The following SENP7 variants were observed in gnomAD, a reference collection of about 807,000 sequenced individuals.
SENP7 encodes the protein SUMO specific peptidase 7, also known as sentrin-specific protease 7.
Under a neutral mutation model 141.2 loss-of-function variants are expected in SENP7, and 64 were observed. The ratio of observed to expected loss-of-function variants is 0.45; its 90% CI spans 0.37 to 0.56. The LOEUF is 0.56. Ranked by LOEUF, SENP7 falls within the 20% of genes least tolerant of loss-of-function variation. The probability of loss-of-function intolerance (pLI) is 0.00; values close to 1 mark genes in which losing one functional copy is unlikely to be tolerated. For synonymous variants in SENP7, 382 were observed against 426.4 expected, an observed-to-expected ratio of 0.90 and a Z score of 1.28; for missense variants, 1,025 against 1,212.2, an observed-to-expected ratio of 0.85 and a Z score of 2.29.
At chr3:101,401,610 G>A (rs1262863197) in intron 5 of SENP7, among the ~76,000 whole-genome samples, 1 of 151,972 alleles carries the variant, frequency 6.6e-6, no homozygotes, top group Non-Finnish European at 1.5e-5. Context: ...CAGTCTTACT[G>A]ATGATATGGA....
chr3:101,401,422 G>A (rs1243228906), intron 5 of SENP7, among the ~76,000 whole-genome samples: 8 of 151,868 alleles, frequency 5.3e-5, no homozygotes, highest in African/African-American at 1.5e-4. Context: ...CCAGCTACTC[G>A]GGAGGCTGAG....
chr3:101,415,671 T>C (rs1156390640), intron 5 of SENP7, among the ~76,000 whole-genome samples: 1 of 152,164 alleles, frequency 6.6e-6, no homozygotes, highest in Admixed American at 6.5e-5. Context: ...GAAGAAAAAG[T>C]AAGCAACTTG....
At chr3:101,485,847 A>G (rs1016749310) in intron 3 of SENP7, among the ~76,000 whole-genome samples, 4 of 152,210 alleles carry the variant, frequency 2.6e-5, no homozygotes, top group Non-Finnish European at 5.9e-5. Context: ...GTCCAATGCA[A>G]GGAAATCCAA....
rs1199362157 is a variant in SENP7, at chr3:101,414,753, T to C, written c.482+2840A>G. ...AAGAAATTAAGGATGGCCACAAGTG[T>C]AATGCATATGTCACTTGCCTCTAGA... On this transcript the variant is annotated intron_variant, in intron 5 of 23. Coordinates refer to ENST00000394095, the MANE Select transcript of SENP7 (RefSeq NM_020654.5). 14 of 618,180 alleles carry C rather than the reference T, an allele frequency of 2.3e-5. No homozygotes were observed. The Admixed American group carries it at 4.1e-4, about 18-fold the overall frequency. 38.3% of individuals were successfully genotyped at this position (618,180 alleles called of 1,614,324 possible).
chr3:101,469,257 T>A (rs998741549), intron 3 of SENP7, among the ~76,000 whole-genome samples: 4 of 151,756 alleles, frequency 2.6e-5, no homozygotes, highest in African/African-American at 9.7e-5. Context: ...ATAAAGCAAG[T>A]CCTTAGAGAC....
chr3:101,343,169 T>C lies in SENP7; in HGVS notation c.2106+517A>G, dbSNP rs1016960164. On this transcript the variant is annotated intron_variant, in intron 14 of 23. Coordinates refer to ENST00000394095, the MANE Select transcript of SENP7 (RefSeq NM_020654.5). Reference sequence around the variant, plus strand: ...GTTCATTTTGATAACTTGGTTAAAGTGATGTCTACAAGGTTTCTCCACTGC... The same window carrying C: ...GTTCATTTTGATAACTTGGTTAAAGCGATGTCTACAAGGTTTCTCCACTGC... Among the ~76,000 whole-genome samples the C allele has an allele frequency of 5.8e-4, 88 of 152,248 alleles. 1 individual carries two copies. The highest frequency in any genetic ancestry group is 1.5e-4 in the Non-Finnish European group (10 of 68,038).
chr3:101,479,823 T>A (rs56389316), intron 3 of SENP7, among the ~76,000 whole-genome samples: 43,301 of 113,282 alleles, frequency 0.38, 9,090 homozygotes, highest in Admixed American at 0.52. Context: ...AAAAAAGTAG[T>A]GATTTTATAC....
At chr3:101,331,314 T>C (rs976971721) in intron 19 of SENP7, among the ~76,000 whole-genome samples, 1 of 151,516 alleles carries the variant, frequency 6.6e-6, no homozygotes, top group Non-Finnish European at 1.5e-5. Flanking sequence ...ATCCTATCTT[T>C]ACAAAAAAAA....
chr3:101,419,735 C>T (rs2061731700), intron 4 of SENP7, among the ~76,000 whole-genome samples: 1 of 152,150 alleles, frequency 6.6e-6, no homozygotes, highest in African/African-American at 2.4e-5. Context: ...GTTAAAGACA[C>T]AGAAGGCAGG....
chr3:101,365,114 T>TTA, intron 9 of SENP7, 123 bp from the exon 10 acceptor site: 4 of 487,536 alleles, frequency 8.2e-6, no homozygotes, highest in Non-Finnish European at 1.3e-5. Context: ...GCAATTCTCC[T>TTA]ACCTCAGCCT....
chr3:101,506,950 A>G (rs571043539), intron 1 of SENP7, among the ~76,000 whole-genome samples: 4 of 151,740 alleles, frequency 2.6e-5, no homozygotes, highest in Non-Finnish European at 5.9e-5. Flanking sequence ...AGTCCTAGCT[A>G]CTCCGGAGCC....
chr3:101,459,473 G>A (rs899823701), intron 3 of SENP7, among the ~76,000 whole-genome samples: 13 of 152,072 alleles, frequency 8.5e-5, no homozygotes, highest in South Asian at 6.2e-4. Flanking sequence ...GGAAAGAGCC[G>A]GACACCTTAT....
chr3:101,432,269 A>G (rs1183394195), intron 4 of SENP7, among the ~76,000 whole-genome samples: 1 of 152,164 alleles, frequency 6.6e-6, no homozygotes, highest in Non-Finnish European at 1.5e-5. Flanking sequence ...GCTCAACCAT[A>G]ATACAATAGA....
At chr3:101,470,146 C>A (rs1416216288) in intron 3 of SENP7, among the ~76,000 whole-genome samples, 4 of 152,114 alleles carry the variant, frequency 2.6e-5, no homozygotes, top group African/African-American at 7.2e-5. Flanking sequence ...AATCGACACA[C>A]TAACATCACA....
intron 5 of SENP7, among the ~76,000 whole-genome samples, chr3:101,401,884 T>C (rs775165714): frequency 6.6e-6 from 1 of 151,752 alleles, no homozygotes; most frequent in African/African-American, 2.4e-5. Context: ...CTCGGGAGAC[T>C]GAAGTGAGAG....
At chr3:101,466,291 A>G (rs989192562) in intron 3 of SENP7, among the ~76,000 whole-genome samples, 12 of 152,248 alleles carry the variant, frequency 7.9e-5, no homozygotes, top group Middle Eastern at 3.2e-3. Context: ...AATAGATTCA[A>G]TCCATAAAAG....
chr3:101,509,934 G>T (rs1261829572), intron 1 of SENP7, among the ~76,000 whole-genome samples: 2 of 152,144 alleles, frequency 1.3e-5, no homozygotes, highest in Non-Finnish European at 1.5e-5. Context: ...AGTTTGTGAA[G>T]TTCTTAGCAC....
At chr3:101,394,083 A>G (rs1194783859) in intron 6 of SENP7, among the ~76,000 whole-genome samples, 4 of 152,110 alleles carry the variant, frequency 2.6e-5, no homozygotes, top group African/African-American at 9.7e-5. Context: ...CCATTAACCA[A>G]ATTCTCTCCA....
chr3:101,329,390 G>A (rs2058986205), intron 20 of SENP7, among the ~76,000 whole-genome samples: 1 of 152,038 alleles, frequency 6.6e-6, no homozygotes, highest in Admixed American at 6.6e-5. Context: ...CGTGACAGCA[G>A]GAAAGGAAGC....
Sources: gnomAD v4.1 joint callset for allele counts (sites outside exome capture counted in the v4.1 genomes callset) on GRCh38, gnomAD v4.1.1 for gene constraint, MANE v1.5 for transcripts, NCBI Gene and HGNC (gene_info 2026-07-23, HGNC 2026-07-21) for gene names.